The following LRP2 variants were observed in gnomAD, a reference collection of about 807,000 sequenced individuals.
The protein encoded by LRP2 is low-density lipoprotein receptor-related protein 2.
Under a neutral mutation model 531.0 loss-of-function variants are expected in LRP2, and 172 were observed. The ratio of observed to expected loss-of-function variants is 0.32; its 90% CI spans 0.29 to 0.37. The LOEUF is 0.37. Among genes scored for constraint, LRP2 ranks in the 10% least tolerant of loss-of-function variants. The probability of loss-of-function intolerance (pLI) is 1.00; values close to 1 mark genes in which losing one functional copy is unlikely to be tolerated. For missense variants in LRP2, 5,167 were observed against 5,868.3 expected (o/e 0.88, Z 3.90); for synonymous variants, 1,992 against 2,027.6 (o/e 0.98, Z 0.47).
intron 64 of LRP2, 123 bp from the exon 65 acceptor site, chr2:169,156,528 C>A: frequency 9.7e-7 from 1 of 1,033,878 alleles, no homozygotes; most frequent in South Asian, 1.3e-5. Context: ...TGAAAATAAG[C>A]AATGATACAA....
At chr2:169,156,133 G>T in intron 65 of LRP2, 141 bp downstream of exon 65, 2 of 1,084,976 alleles carry the variant, frequency 1.8e-6, no homozygotes, top group Non-Finnish European at 1.3e-6. Flanking sequence ...AAGAGGTGTT[G>T]GAAGAGAAGC....
At chr2:169,153,171 T>G (rs544443394) in intron 66 of LRP2, among the ~76,000 whole-genome samples, 2 of 152,254 alleles carry the variant, frequency 1.3e-5, no homozygotes, top group African/African-American at 2.4e-5. Flanking sequence ...ATGCTTCAAC[T>G]GAGAACTTAG....
At chr2:169,247,578 G>A (rs1422093292) in intron 19 of LRP2, 63 bp from the exon 20 acceptor site, 4 of 1,565,102 alleles carry the variant, frequency 2.6e-6, no homozygotes, top group Non-Finnish European at 2.6e-6. Flanking sequence ...TAAATCACTT[G>A]AGAAAATGCA....
chr2:169,257,044 C>T, intron 18 of LRP2, 80 bp downstream of exon 18: 1 of 1,550,458 alleles, frequency 6.4e-7, no homozygotes, highest in South Asian at 1.1e-5. Flanking sequence ...TTCCTTACAC[C>T]ATCATATCAC....
At chr2:169,270,755 AG>A (rs373244801) in intron 16 of LRP2, 148 bp downstream of exon 16, 1 of 96,218 alleles carries the variant, frequency 1.0e-5, no homozygotes, top group East Asian at 2.6e-4. Context: ...AAAGTAAAAT[AG>A]TATAAATAAA....
intron 1 of LRP2, among the ~76,000 whole-genome samples, chr2:169,355,626 C>T (rs1049029187): frequency 3.9e-5 from 6 of 152,206 alleles, no homozygotes; most frequent in Admixed American, 3.3e-4. Flanking sequence ...AAGATAAAAA[C>T]TCTTTTTCTT....
At chr2:169,344,490 C>T (rs1685646340) in intron 1 of LRP2, among the ~76,000 whole-genome samples, 1 of 152,100 alleles carries the variant, frequency 6.6e-6, no homozygotes, top group African/African-American at 2.4e-5. Flanking sequence ...AAAGTAACAA[C>T]ATTTTAGTTG....
chr2:169,335,506 G>A (rs1322812624), intron 1 of LRP2, among the ~76,000 whole-genome samples: 1 of 152,172 alleles, frequency 6.6e-6, no homozygotes, highest in Non-Finnish European at 1.5e-5. Flanking sequence ...CTGAAACCAA[G>A]CTAAAAAGTT....
chr2:169,135,001 G>A (rs371520753), intron 76 of LRP2, among the ~76,000 whole-genome samples: 82 of 152,186 alleles, frequency 5.4e-4, no homozygotes, highest in African/African-American at 1.7e-3. Flanking sequence ...CTAGTCCCCC[G>A]CTGAAACTTC....
At position 169,243,140 on chromosome 2, in the gene LRP2, C is replaced by A. The variant is rs75548386; in HGVS notation, c.3551-68G>T. On this transcript the variant is annotated intron_variant, in intron 23 of 78. Transcript: ENST00000649046. ...AAAATGACTAAACACTGAGATTTTT[C>A]TTTTTTGTTGTTATACTTTAAGTTC... 4,705 of 1,329,456 alleles carry A rather than the reference C, an allele frequency of 3.5e-3. 109 individuals carry two copies. In the African/African-American group the frequency reaches 0.061, roughly 17 times the overall value. The allele number at this position is 1,329,456 out of a possible 1,614,324, so 82.4% of individuals were successfully genotyped here. A position where few individuals can be genotyped will look rare whatever the true frequency, so the allele number is the denominator to read the frequency against.
At chr2:169,327,139 G>A (rs1685093758) in intron 1 of LRP2, among the ~76,000 whole-genome samples, 2 of 137,582 alleles carry the variant, frequency 1.5e-5, no homozygotes, top group East Asian at 2.2e-4. Context: ...GAGGTGGGGG[G>A]GTCAGCCCCC....
chr2:169,350,331 G>A (rs1302330941), intron 1 of LRP2, among the ~76,000 whole-genome samples: 1 of 152,160 alleles, frequency 6.6e-6, no homozygotes, highest in Non-Finnish European at 1.5e-5. Context: ...CAAATGAGCA[G>A]TTGGATATGT....
chr2:169,323,500 C>T (rs1013763887), intron 1 of LRP2, among the ~76,000 whole-genome samples: 2 of 152,048 alleles, frequency 1.3e-5, no homozygotes, highest in African/African-American at 2.4e-5. Flanking sequence ...ATTGCAGGTG[C>T]CCCTTACTTC....
intron 52 of LRP2, 36 bp from the exon 53 acceptor site, chr2:169,178,062 G>A (rs199611459): frequency 1.4e-6 from 2 of 1,435,464 alleles, no homozygotes; most frequent in Non-Finnish European, 2.0e-6. Flanking sequence ...TGTGATAAAG[G>A]TAATTCCTCT....
chr2:169,142,807 G>A lies in LRP2; in HGVS notation c.12989-14C>T, dbSNP rs201558127. Reference sequence around the variant, plus strand: ...AAAGGTTGGGCACTGGAAAGCGGGTGAGAACAGCAGTTAGGTCCTGACAGA... The same window carrying A: ...AAAGGTTGGGCACTGGAAAGCGGGTAAGAACAGCAGTTAGGTCCTGACAGA... On this transcript the variant is annotated splice_polypyrimidine_tract_variant and intron_variant, in intron 70 of 78. Transcript: ENST00000649046. 1,378 of 1,613,628 alleles carry A rather than the reference G, an allele frequency of 8.5e-4. 3 individuals carry two copies. The highest frequency in any genetic ancestry group is 1.7e-3 in the South Asian group (153 of 91,006).
At chr2:169,162,337 A>G in intron 63 of LRP2, 135 bp downstream of exon 63, 4 of 958,330 alleles carry the variant, frequency 4.2e-6, no homozygotes, top group Non-Finnish European at 6.6e-6. Context: ...ACAGCTAGCT[A>G]TGGGCTTGAC....
chr2:169,298,999 GA>G (rs1345058985), intron 4 of LRP2, among the ~76,000 whole-genome samples: 1 of 150,284 alleles, frequency 6.7e-6, no homozygotes, highest in Non-Finnish European at 1.5e-5. Flanking sequence ...GTAATTTGAA[GA>G]AGCTTTCAAT....
At chr2:169,213,580 G>A (rs757473852) in intron 36 of LRP2, 77 bp downstream of exon 36, 18 of 1,117,488 alleles carry the variant, frequency 1.6e-5, no homozygotes, top group Non-Finnish European at 9.6e-6. Context: ...CTGTGTGTGG[G>A]TGTGTGCTTA....
intron 46 of LRP2, among the ~76,000 whole-genome samples, chr2:169,195,037 T>C (rs925991362): frequency 5.9e-5 from 9 of 152,114 alleles, no homozygotes; most frequent in African/African-American, 2.2e-4. Flanking sequence ...GAGACATATC[T>C]CCTTTGATAC....
Sources: gnomAD v4.1 joint callset for allele counts (sites outside exome capture counted in the v4.1 genomes callset) on GRCh38, gnomAD v4.1.1 for gene constraint, MANE v1.5 for transcripts, NCBI Gene and HGNC (gene_info 2026-07-23, HGNC 2026-07-21) for gene names.